PLAGL1: variants seen among roughly 807,000 people sequenced by gnomAD.
PLAGL1 encodes PLAG1 like zinc finger 1.
In PLAGL1, 1 loss-of-function variant was observed where a neutral mutation model predicts 4.6. The observed-to-expected ratio is 0.22, with a 90% CI of 0.08 to 1.03. The LOEUF (loss-of-function observed/expected upper bound fraction) is 1.03. Among genes scored for constraint, PLAGL1 ranks in the 50% least tolerant of loss-of-function variants. The pLI is 0.58. For missense variants in PLAGL1, 464 were observed against 570.4 expected (o/e 0.81, Z 1.90); for synonymous variants, 240 against 237.8 (o/e 1.01, Z -0.08).
At chr6:144,040,093 T>C (rs531785256) in intron 1 of PLAGL1, among the ~76,000 whole-genome samples, 1 of 152,244 alleles carries the variant, frequency 6.6e-6, no homozygotes, top group East Asian at 1.9e-4. Flanking sequence ...AGTGATAACA[T>C]TTAATGAGAA....
chr6:144,020,812 T>A (rs1042512204), intron 1 of PLAGL1, among the ~76,000 whole-genome samples: 2 of 145,216 alleles, frequency 1.4e-5, no homozygotes, highest in African/African-American at 2.5e-5. Flanking sequence ...CTATATATAT[T>A]TATATATTAT....
At chr6:144,029,570 A>C (rs1185354046) in intron 1 of PLAGL1, among the ~76,000 whole-genome samples, 1 of 152,266 alleles carries the variant, frequency 6.6e-6, no homozygotes, top group Non-Finnish European at 1.5e-5. Flanking sequence ...TCATAAGAGA[A>C]ATGCAAATTA....
chr6:143,988,366 G>T (rs1040934525), intron 1 of PLAGL1, among the ~76,000 whole-genome samples: 1 of 152,152 alleles, frequency 6.6e-6, no homozygotes, highest in Admixed American at 6.6e-5. Context: ...AGCCATGCAC[G>T]AACATCCCAT....
Position 143,942,065 on chromosome 6 carries a change from C to T in PLAGL1, c.751G>A (p.Gly251Arg), listed in dbSNP as rs372873338. 4.3e-6 allele frequency: 7 copies of T among 1,612,216 alleles called. No homozygotes were observed. Among genetic ancestry groups the T allele is most frequent in the African/African-American group, 4.0e-5 (3 of 74,782 alleles). Residue 251 changes from glycine to arginine, a missense_variant, in exon 8 of 8, where the codon GGG becomes AGG. By Grantham distance (125) the Gly-to-Arg change is moderately radical. Around this residue, in one of 4 missense-constraint regions of PLAGL1, gnomAD observed 248 missense variants for 250.1 expected, o/e 0.99. Coordinates refer to ENST00000674357, the MANE Select transcript of PLAGL1 (RefSeq NM_001317162.2). This position sits in a 1 kb window ranked among gnomAD's most constrained non-coding sequence, Gnocchi z 7.6. ...TCAGCTGGCAAGCTACTTGCAAGCC[C>T]GTTCTGGGCAGAAGCTCCTAAAGGG... ...PFPLGASAQN[G>R]LASSLPAEVH...
chr6:144,055,820 G>C lies in PLAGL1; in HGVS notation c.-151+8648C>G, dbSNP rs1040232092. On this transcript the variant is annotated intron_variant, in intron 1 of 3. Coordinates refer to the PLAGL1 transcript ENST00000437412. The surrounding 1 kb of genome is among the most constrained non-coding windows in gnomAD (Gnocchi z 5.0). Reference sequence around the variant, plus strand: ...AAGAAAGAACCTCATCCCCATGAACGATACACAGCCACTGTCTTTCTTTGG... The same window carrying C: ...AAGAAAGAACCTCATCCCCATGAACCATACACAGCCACTGTCTTTCTTTGG... 2.6e-5 allele frequency among the ~76,000 whole-genome samples: 4 copies of C among 152,172 alleles called. No individual in the cohort carries two copies. The highest frequency in any genetic ancestry group is 5.9e-5 in the Non-Finnish European group (4 of 68,030).
At position 144,005,661 on chromosome 6, in the gene PLAGL1, T is replaced by G. The variant is rs1038880505; in HGVS notation, c.-584+2429A>C. ...TTAAGACAAAAAGCATAAGGATTAA[T>G]GTCTACAGTTTAATATCTGCAAGTA... On this transcript the variant is annotated intron_variant, in intron 1 of 7. Coordinates refer to ENST00000674357, the MANE Select transcript of PLAGL1 (RefSeq NM_001317162.2). The surrounding 1 kb of genome is among the most constrained non-coding windows in gnomAD (Gnocchi z 4.6). The G allele has an allele frequency of 6.6e-6, 1 of 152,174 alleles. No individual in the cohort carries two copies. Among genetic ancestry groups the G allele is most frequent in the African/African-American group, 2.4e-5 (1 of 41,454 alleles). 9.4% of individuals were successfully genotyped at this position (152,174 alleles called of 1,614,324 possible).
rs996346336 is a variant in PLAGL1 at position 143,964,896 on chromosome 6, C to T, written c.-430-78G>A. 6.6e-6 allele frequency: 1 copy of T among 152,144 alleles called. No homozygotes were observed. The highest frequency in any genetic ancestry group is 1.5e-5 in the Non-Finnish European group (1 of 68,062). 9.4% of individuals were successfully genotyped at this position (152,144 alleles called of 1,614,324 possible). A position where few individuals can be genotyped will look rare whatever the true frequency, so the allele number is the denominator to read the frequency against. ...TGAATTGCTAAAACAAACAAAAACA[C>T]CCAAGTGGGGGGGGAACGGAAGTCT... On this transcript the variant is annotated intron_variant, in intron 4 of 7. Transcript: ENST00000674357. The surrounding 1 kb of genome is among the most constrained non-coding windows in gnomAD (Gnocchi z 4.3).
At position 143,941,261 on chromosome 6, in the gene PLAGL1, C is replaced by A; in HGVS notation, c.*163G>T. ...CATGAACACTCAGGACAGATTGGCA[C>A]AATACATGCAGTTCGAGAATTCTCT... On this transcript the variant is annotated 3_prime_UTR_variant, in exon 8 of 8. Transcript: ENST00000674357. The surrounding 1 kb of genome is among the most constrained non-coding windows in gnomAD (Gnocchi z 6.0). 5.5e-6 allele frequency: 3 copies of A among 545,858 alleles called. No homozygotes were observed. The highest frequency in any genetic ancestry group is 9.4e-6 in the Non-Finnish European group (3 of 320,046). 33.8% of individuals were successfully genotyped at this position (545,858 alleles called of 1,614,324 possible). A position where few individuals can be genotyped will look rare whatever the true frequency, so the allele number is the denominator to read the frequency against.
rs1784388055 is a variant in PLAGL1 at position 143,966,183 on chromosome 6, A to G, written c.-456T>C. 1 of 152,232 alleles carries G rather than the reference A, an allele frequency of 6.6e-6. No homozygotes were observed. Among genetic ancestry groups the G allele is most frequent in the African/African-American group, 2.4e-5 (1 of 41,462 alleles). 9.4% of individuals were successfully genotyped at this position (152,232 alleles called of 1,614,324 possible). Reference sequence around the variant, plus strand: ...CTGTTTGGAATTCTTCAATGGTCCCATTAGGTTTCTGTCGACTGCAACGAA... The same window carrying G: ...CTGTTTGGAATTCTTCAATGGTCCCGTTAGGTTTCTGTCGACTGCAACGAA... On this transcript the variant is annotated 5_prime_UTR_variant, in exon 4 of 8. It removes an upstream start codon present in the reference 5' UTR. Transcript: ENST00000674357. This position sits in a 1 kb window ranked among gnomAD's most constrained non-coding sequence, Gnocchi z 6.0.
Position 143,989,618 on chromosome 6 carries a change from C to T in PLAGL1, c.-583-4444G>A, listed in dbSNP as rs1314087206. ...TCACACCACCAGCTTTCCCGAGTCTCCAGCTTGCAGACAGTTGACTGTGGG... is the reference window on the plus strand; with the variant it reads ...TCACACCACCAGCTTTCCCGAGTCTTCAGCTTGCAGACAGTTGACTGTGGG... On this transcript the variant is annotated intron_variant, in intron 1 of 7. Transcript: ENST00000674357. The surrounding 1 kb of genome is among the most constrained non-coding windows in gnomAD (Gnocchi z 4.8). Among the ~76,000 whole-genome samples the T allele has an allele frequency of 6.6e-6, 1 of 152,202 alleles. No individual in the cohort carries two copies. Among genetic ancestry groups the T allele is most frequent in the Non-Finnish European group, 1.5e-5 (1 of 68,030 alleles).
intron 3 of PLAGL1, chr6:143,967,371 T>C (rs1173967588): frequency 1.3e-5 from 2 of 151,518 alleles, no homozygotes; most frequent in Non-Finnish European, 2.9e-5. Flanking sequence ...TTTGGAGTAA[T>C]ATATATATAT....
Position 144,055,945 on chromosome 6 carries a change from T to C in PLAGL1, c.-151+8523A>G, listed in dbSNP as rs975831055. The stretch of plus-strand genomic sequence containing the variant: ...CCTTCAAAAGCTCATAAAATAGTAG[T>C]GCTCTTACTTTTGAAAGCAGATCCA... On this transcript the variant is annotated intron_variant, in intron 1 of 3. Coordinates refer to the PLAGL1 transcript ENST00000437412. The surrounding 1 kb of genome is among the most constrained non-coding windows in gnomAD (Gnocchi z 5.0). Among the ~76,000 whole-genome samples, 8 of 152,166 alleles carry C rather than the reference T, an allele frequency of 5.3e-5. No homozygotes were observed. Among genetic ancestry groups the C allele is most frequent in the Admixed American group, 1.3e-4 (2 of 15,282 alleles).
intron 1 of PLAGL1, among the ~76,000 whole-genome samples, chr6:144,033,766 C>G (rs1336195132): frequency 6.6e-6 from 1 of 152,060 alleles, no homozygotes; most frequent in Non-Finnish European, 1.5e-5. Context: ...AAACAAAATC[C>G]AGCATAAAAC....
chr6:143,983,473 G>A lies in PLAGL1; in HGVS notation c.-544+1662C>T, dbSNP rs1788382247. On this transcript the variant is annotated intron_variant, in intron 2 of 7. Transcript: ENST00000674357. The surrounding 1 kb of genome is among the most constrained non-coding windows in gnomAD (Gnocchi z 6.6). ...CTACTGTAGCTATATCCTTGAGCAG[G>A]TGAGAGGAGATGGGACTAAGAATAT... 6.6e-6 allele frequency among the ~76,000 whole-genome samples: 1 copy of A among 152,156 alleles called. No individual in the cohort carries two copies. Among genetic ancestry groups the A allele is most frequent in the Admixed American group, 6.6e-5 (1 of 15,254 alleles).
chr6:144,056,582 C>G lies in PLAGL1; in HGVS notation c.-151+7886G>C, dbSNP rs1427501585. On this transcript the variant is annotated intron_variant, in intron 1 of 3. Transcript: ENST00000437412. The surrounding 1 kb of genome is among the most constrained non-coding windows in gnomAD (Gnocchi z 4.7). ...TCTAGAATGTCATACAGTAGGTAGC[C>G]CTTTCAGGTTGGCTTCTTTCACTTA... Among the ~76,000 whole-genome samples, 1 of 152,114 alleles carries G rather than the reference C, an allele frequency of 6.6e-6. No individual in the cohort carries two copies. The highest frequency in any genetic ancestry group is 1.5e-5 in the Non-Finnish European group (1 of 68,016).
At position 144,036,858 on chromosome 6, in the gene PLAGL1, C is replaced by A; in HGVS notation, c.-151+27610G>T. Reference sequence around the variant, plus strand: ...ACTCTGGCATAAAATGAAGGCCATCCCCTAATGGTTTGTTCTTGGTGTTGG... The same window carrying A: ...ACTCTGGCATAAAATGAAGGCCATCACCTAATGGTTTGTTCTTGGTGTTGG... On this transcript the variant is annotated intron_variant, in intron 1 of 3. Transcript: ENST00000437412. The surrounding 1 kb of genome is among the most constrained non-coding windows in gnomAD (Gnocchi z 5.1). The A allele has an allele frequency of 3.3e-6, 1 of 307,200 alleles. No homozygotes were observed. Among genetic ancestry groups the A allele is most frequent in the South Asian group, 3.3e-5 (1 of 30,374 alleles). 19.0% of individuals were successfully genotyped at this position (307,200 alleles called of 1,614,324 possible). A position where few individuals can be genotyped will look rare whatever the true frequency, so the allele number is the denominator to read the frequency against.
At position 144,048,077 on chromosome 6, in the gene PLAGL1, T is replaced by C. The variant is rs1243420914; in HGVS notation, c.-151+16391A>G. ...AGTCCAAAATCCAAGGGGACAGTCATTAAATCTTAAAGCTCCAACATAATC... is the reference window on the plus strand; with the variant it reads ...AGTCCAAAATCCAAGGGGACAGTCACTAAATCTTAAAGCTCCAACATAATC... On this transcript the variant is annotated intron_variant, in intron 1 of 3. Transcript: ENST00000437412. The surrounding 1 kb of genome is among the most constrained non-coding windows in gnomAD (Gnocchi z 4.8). Among the ~76,000 whole-genome samples the C allele has an allele frequency of 6.6e-6, 1 of 152,212 alleles. No individual in the cohort carries two copies. The highest frequency in any genetic ancestry group is 2.4e-5 in the African/African-American group (1 of 41,452).
At chr6:144,058,798 G>C (rs1480284881) in intron 1 of PLAGL1, among the ~76,000 whole-genome samples, 5 of 152,202 alleles carry the variant, frequency 3.3e-5, no homozygotes, top group Non-Finnish European at 5.9e-5. Flanking sequence ...TGGGTACAAG[G>C]AGTAGACCCC....
At position 144,059,949 on chromosome 6, in the gene PLAGL1, T is replaced by C. The variant is rs1799258935; in HGVS notation, c.-151+4519A>G. Among the ~76,000 whole-genome samples the C allele has an allele frequency of 1.3e-5, 2 of 152,226 alleles. No homozygotes were observed. The highest frequency in any genetic ancestry group is 4.8e-5 in the African/African-American group (2 of 41,538). On this transcript the variant is annotated intron_variant, in intron 1 of 3. Coordinates refer to the PLAGL1 transcript ENST00000437412. This position sits in a 1 kb window ranked among gnomAD's most constrained non-coding sequence, Gnocchi z 4.9. ...AGGTGGCCAAGGGTCTGAAAGGTCA[T>C]TTCCCCCCATCTAGCAAGAGCAAGT...
Sources: allele counts gnomAD v4.1 joint callset (sites outside exome capture counted in the v4.1 genomes callset), GRCh38; gene constraint gnomAD v4.1.1; regional missense constraint gnomAD v4.1.1; non-coding constraint Gnocchi (gnomAD v3.1); transcripts MANE v1.5; gene names NCBI Gene and HGNC (gene_info 2026-07-23, HGNC 2026-07-21).